Variants in KANSL3 observed in about 807,000 individuals in gnomAD.
KANSL3 encodes the protein NSL complex protein NSL3.
In KANSL3, 16 loss-of-function variants were observed where a neutral mutation model predicts 89.2. That is an observed-to-expected ratio of 0.18 (90% CI 0.12 to 0.27). The LOEUF (loss-of-function observed/expected upper bound fraction) is 0.27, where lower values mean the gene tolerates loss of function less well. Among genes scored for constraint, KANSL3 ranks in the 10% least tolerant of loss-of-function variants. The pLI is 1.00. For synonymous variants in KANSL3, 385 were observed against 419.7 expected (o/e 0.92, Z 1.01); for missense variants, 879 against 1,110.6 (o/e 0.79, Z 2.96).
chr2:96,607,705 T>C (rs974926983), intron 14 of KANSL3, among the ~76,000 whole-genome samples: 2 of 152,198 alleles, frequency 1.3e-5, no homozygotes, highest in African/African-American at 4.8e-5. Flanking sequence ...TTCTGATCAT[T>C]TGGCTCCACT....
At position 96,605,308 on chromosome 2, in the gene KANSL3, A is replaced by G; in HGVS notation, c.1933+12T>C. The stretch of plus-strand genomic sequence containing the variant: ...AGCTCAGTTCTCATTTAACGTACCA[A>G]GAGAAACTCACCTTCTGGAGCACTT... On this transcript the variant is annotated intron_variant, in intron 15 of 20. Transcript: ENST00000431828. 1 of 1,602,608 alleles carries G rather than the reference A, an allele frequency of 6.2e-7. No homozygotes were observed.
the KANSL3 span, among the ~76,000 whole-genome samples, chr2:96,584,759 A>G: frequency 6.6e-6 from 1 of 152,118 alleles, no homozygotes; most frequent in African/African-American, 2.4e-5. Context: ...TTCTTTATCC[A>G]TTCATCTGCT....
chr2:96,590,678 T>G (rs2066265049), downstream of KANSL3, among the ~76,000 whole-genome samples: 3 of 151,620 alleles, frequency 2.0e-5, no homozygotes, highest in African/African-American at 7.3e-5. Flanking sequence ...ACTCATGTTC[T>G]CATTTTAAAA....
chr2:96,593,208 A>C lies in KANSL3; in HGVS notation c.*2403T>G, dbSNP rs2066331302. ...GTTTTTAATTGTTTTTGTTAATGTA[A>C]AAACAGAACCATCACAGCCGCTCAG... is the stretch of plus-strand genomic sequence containing the variant. On this transcript the variant is annotated 3_prime_UTR_variant, in exon 21 of 21. Transcript: ENST00000431828. 2.2e-6 allele frequency: 1 copy of C among 448,922 alleles called. No individual in the cohort carries two copies. The highest frequency in any genetic ancestry group is 4.5e-6 in the Non-Finnish European group (1 of 224,538). 27.8% of individuals were successfully genotyped at this position (448,922 alleles called of 1,614,324 possible).
rs1573233948 is a variant in KANSL3, at chr2:96,595,438, C to T, written c.*173G>A. The stretch of plus-strand genomic sequence containing the variant: ...ACGATGGTGCTTCCCTTGCTGGCAC[C>T]GTATCACCTAACCTAATGGTTTCTC... On this transcript the variant is annotated 3_prime_UTR_variant, in exon 21 of 21. Coordinates refer to ENST00000431828, the MANE Select transcript of KANSL3 (RefSeq NM_001115016.3). 1.7e-6 allele frequency: 1 copy of T among 593,432 alleles called. No homozygotes were observed. The highest frequency in any genetic ancestry group is 2.9e-6 in the Non-Finnish European group (1 of 339,024). 36.8% of individuals were successfully genotyped at this position (593,432 alleles called of 1,614,324 possible). A position where few individuals can be genotyped will look rare whatever the true frequency, so the allele number is the denominator to read the frequency against.
intron 14 of KANSL3, among the ~76,000 whole-genome samples, 163 bp downstream of exon 14, chr2:96,608,345 C>A (rs1381966525): frequency 6.6e-6 from 1 of 152,176 alleles, no homozygotes; most frequent in African/African-American, 2.4e-5. Flanking sequence ...CCTTGGCATT[C>A]ATTTCAATAA....
chr2:96,592,968 A>C (rs543606177), downstream of KANSL3, among the ~76,000 whole-genome samples: 1 of 151,282 alleles, frequency 6.6e-6, no homozygotes, highest in Non-Finnish European at 1.5e-5. Flanking sequence ...GCGCCATTGC[A>C]CTCCAGCCCA....
chr2:96,599,781 G>GA (rs2066923851), intron 20 of KANSL3: 1 of 261,784 alleles, frequency 3.8e-6, no homozygotes, highest in African/African-American at 2.3e-5. Flanking sequence ...AAGTAATCAG[G>GA]AAAATGCACA....
chr2:96,601,675 ACTC>A lies in KANSL3; in HGVS notation c.2581_2583del (p.Glu861del). The A allele has an allele frequency of 6.2e-7, 1 of 1,613,334 alleles. No individual in the cohort carries two copies. Among genetic ancestry groups the A allele is most frequent in the Non-Finnish European group, 8.5e-7 (1 of 1,179,660 alleles). The stretch of plus-strand genomic sequence containing the variant: ...CTGGAGGGCAGCACCTGGGAAGAGG[ACTC>A]CTCGGATGGGGCTGCTCCTGAGCCC... On this transcript the variant is annotated inframe_deletion, in exon 20 of 21. Transcript: ENST00000431828.
At chr2:96,631,286 G>C (rs1309044564) in intron 3 of KANSL3, 26 bp downstream of exon 3, 1 of 1,507,362 alleles carries the variant, frequency 6.6e-7, no homozygotes. Context: ...ACAGGGCAGT[G>C]ATCATCCTCC....
intron 5 of KANSL3, among the ~76,000 whole-genome samples, chr2:96,616,388 G>A (rs2070119099): frequency 6.6e-6 from 1 of 152,104 alleles, no homozygotes; most frequent in Non-Finnish European, 1.5e-5. Flanking sequence ...TTTCCACTTG[G>A]AGCTGGGAAG....
chr2:96,626,257 G>A (rs2072282001), intron 3 of KANSL3, among the ~76,000 whole-genome samples: 1 of 149,814 alleles, frequency 6.7e-6, no homozygotes, highest in African/African-American at 2.5e-5. Context: ...GAGACACAAA[G>A]TACATCAGAT....
At chr2:96,580,770 G>A in the KANSL3 span, among the ~76,000 whole-genome samples, 4 of 152,164 alleles carry the variant, frequency 2.6e-5, no homozygotes, top group Non-Finnish European at 5.9e-5. Flanking sequence ...AGACATCATA[G>A]AGCCAAATAA....
intron 11 of KANSL3, 64 bp from the exon 12 acceptor site, chr2:96,609,626 G>T: frequency 7.0e-7 from 1 of 1,422,446 alleles, no homozygotes; most frequent in Non-Finnish European, 9.9e-7. Context: ...ATGAAAATAA[G>T]AACGTATTTC....
At chr2:96,629,069 G>T (rs2072907283) in intron 3 of KANSL3, among the ~76,000 whole-genome samples, 1 of 152,170 alleles carries the variant, frequency 6.6e-6, no homozygotes, top group Non-Finnish European at 1.5e-5. Flanking sequence ...AGAGATGAAG[G>T]GGGGATATAC....
intron 14 of KANSL3, among the ~76,000 whole-genome samples, chr2:96,607,904 T>C (rs550873585): frequency 6.6e-6 from 1 of 152,238 alleles, no homozygotes; most frequent in South Asian, 2.1e-4. Flanking sequence ...CCCAACTGGA[T>C]CAATGTGGGG....
At chr2:96,619,898 C>T in intron 3 of KANSL3, 136 bp from the exon 4 acceptor site, 1 of 677,034 alleles carries the variant, frequency 1.5e-6, no homozygotes, top group South Asian at 1.9e-5. Flanking sequence ...TAGTCTAAGA[C>T]CACTGACCTA....
chr2:96,605,357 T>C lies in KANSL3; in HGVS notation c.1896A>G (p.Gly632=). The C allele has an allele frequency of 6.2e-7, 1 of 1,613,498 alleles. No individual in the cohort carries two copies. The highest frequency in any genetic ancestry group is 8.5e-7 in the Non-Finnish European group (1 of 1,179,784). Residue 632 remains glycine (G), a synonymous_variant, in exon 15 of 21, where the codon GGA becomes GGG. Transcript: ENST00000431828. ...VSLISQGDTA[G]GPCAPSQGSA... ...TTCCTTGGGAAGGAGCACAAGGCCC[T>C]CCAGCTGTGTCCCCTTGGGAGATAA...
intron 5 of KANSL3, among the ~76,000 whole-genome samples, chr2:96,614,313 T>C (rs1462799088): frequency 6.6e-6 from 1 of 152,142 alleles, no homozygotes; most frequent in African/African-American, 2.4e-5. Flanking sequence ...AGGATGGTCT[T>C]GAACTCCTGA....
Sources: allele counts gnomAD v4.1 joint callset (sites outside exome capture counted in the v4.1 genomes callset), GRCh38; gene constraint gnomAD v4.1.1; transcripts MANE v1.5; gene names NCBI Gene and HGNC (gene_info 2026-07-23, HGNC 2026-07-21).